The following CTNNA3 variants were observed in gnomAD, a reference collection of about 807,000 sequenced individuals.
CTNNA3 encodes catenin alpha 3.
A neutral mutation model predicts 95.7 loss-of-function variants in CTNNA3; 76 were observed. That is an observed-to-expected ratio of 0.79 (90% CI 0.66 to 0.96). CTNNA3 has a LOEUF of 0.96. CTNNA3 is among the 40% of genes least tolerant of loss of function. The pLI, the probability that CTNNA3 is intolerant of heterozygous loss-of-function variation, is 0.00. For missense variants in CTNNA3, 1,191 were observed against 1,089.8 expected, an observed-to-expected ratio of 1.09 and a Z score of -1.31; for synonymous variants, 431 against 374.4, an observed-to-expected ratio of 1.15 and a Z score of -1.74.
intron 7 of CTNNA3, among the ~76,000 whole-genome samples, chr10:66,916,062 T>C (rs1846478805): frequency 6.6e-6 from 1 of 152,122 alleles, no homozygotes; most frequent in Admixed American, 6.5e-5. Context: ...GACATATATT[T>C]TTAAATGTTG....
At chr10:66,096,405 C>T (rs566012595) in intron 14 of CTNNA3, among the ~76,000 whole-genome samples, 1 of 152,138 alleles carries the variant, frequency 6.6e-6, no homozygotes, top group South Asian at 2.1e-4. Context: ...AGAACTATCT[C>T]CAACATGCAT....
chr10:66,593,196 C>T (rs1413094538), intron 10 of CTNNA3, among the ~76,000 whole-genome samples: 1 of 152,112 alleles, frequency 6.6e-6, no homozygotes, highest in Non-Finnish European at 1.5e-5. Context: ...ATACTGAATT[C>T]ACCAATACTG....
chr10:66,252,446 AT>A (rs1315174543), intron 13 of CTNNA3, among the ~76,000 whole-genome samples: 1 of 152,206 alleles, frequency 6.6e-6, no homozygotes, highest in Non-Finnish European at 1.5e-5. Context: ...GCTGCTAATT[AT>A]TTACTATGTG....
chr10:67,356,699 T>A (rs1842822238), intron 5 of CTNNA3, among the ~76,000 whole-genome samples: 1 of 152,092 alleles, frequency 6.6e-6, no homozygotes, highest in Non-Finnish European at 1.5e-5. Context: ...TAATCAACTT[T>A]TTGCTGTATT....
chr10:67,007,468 A>G (rs1166129260), intron 7 of CTNNA3, among the ~76,000 whole-genome samples: 2 of 152,012 alleles, frequency 1.3e-5, no homozygotes, highest in Non-Finnish European at 2.9e-5. Context: ...TTCTAAAATA[A>G]GAGATAAAAT....
At chr10:67,291,136 T>C (rs966435068) in intron 5 of CTNNA3, among the ~76,000 whole-genome samples, 2 of 152,134 alleles carry the variant, frequency 1.3e-5, no homozygotes, top group Non-Finnish European at 2.9e-5. Context: ...TCCCCTTCTA[T>C]AAATGGAGAT....
chr10:66,478,120 G>T (rs540696307), intron 11 of CTNNA3, among the ~76,000 whole-genome samples: 1 of 152,074 alleles, frequency 6.6e-6, no homozygotes, highest in Non-Finnish European at 1.5e-5. Flanking sequence ...CAATGCTCCA[G>T]CATGCACTTT....
chr10:67,348,881 A>G (rs1842532907), intron 5 of CTNNA3, among the ~76,000 whole-genome samples: 1 of 152,150 alleles, frequency 6.6e-6, no homozygotes, highest in South Asian at 2.1e-4. Flanking sequence ...TCAACAGCAA[A>G]AAGACTAATA....
chr10:66,529,055 T>G (rs1225551889), intron 10 of CTNNA3, among the ~76,000 whole-genome samples: 3 of 152,156 alleles, frequency 2.0e-5, no homozygotes, highest in Non-Finnish European at 4.4e-5. Context: ...ATTCACTTTT[T>G]CTTAAGGCCC....
At chr10:66,973,043 A>G (rs1236327578) in intron 7 of CTNNA3, among the ~76,000 whole-genome samples, 1 of 152,226 alleles carries the variant, frequency 6.6e-6, no homozygotes, top group Non-Finnish European at 1.5e-5. Flanking sequence ...AAAATATGCT[A>G]TAATAGTAAT....
chr10:66,645,544 A>T (rs1845678631), intron 9 of CTNNA3, among the ~76,000 whole-genome samples: 1 of 152,100 alleles, frequency 6.6e-6, no homozygotes, highest in Non-Finnish European at 1.5e-5. Context: ...GGGGATATTT[A>T]TGGGTCCCCT....
intron 10 of CTNNA3, among the ~76,000 whole-genome samples, chr10:66,543,907 GTGTGTATATA>G (rs1181497070): frequency 0.017 from 486 of 28,840 alleles, 3 homozygotes; most frequent in African/African-American, 0.038. Flanking sequence ...AGATGTGTGT[GTGTGTATATA>G]TATATATATA....
chr10:67,592,128 C>T (rs1444534089), intron 3 of CTNNA3, among the ~76,000 whole-genome samples: 1 of 152,106 alleles, frequency 6.6e-6, no homozygotes, highest in Non-Finnish European at 1.5e-5. Flanking sequence ...CACTCAAGGA[C>T]CTATCAGCAT....
Position 66,958,947 on chromosome 10 carries a change from G to A in CTNNA3, c.1048-183423C>T, listed in dbSNP as rs77824618. ...TCATTTAACTTGTCCAAGTAGTTAC[G>A]CTTCTATTCAGACATAGGGAGAGAG... On this transcript the variant is annotated intron_variant, in intron 7 of 17. Transcript: ENST00000433211. Among the ~76,000 whole-genome samples, 860 of 152,176 alleles carry A rather than the reference G, an allele frequency of 5.7e-3. 10 individuals carry two copies. Among genetic ancestry groups the A allele is most frequent in the African/African-American group, 0.02 (812 of 41,520 alleles).
chr10:66,189,470 C>G (rs1026215325), intron 13 of CTNNA3, among the ~76,000 whole-genome samples: 3 of 151,478 alleles, frequency 2.0e-5, no homozygotes, highest in African/African-American at 7.3e-5. Context: ...CCCATTGTGT[C>G]TTCTTGGCTC....
rs949142810 is a variant in CTNNA3 at position 66,380,627 on chromosome 10, A to C, written c.1532-1275T>G. ...TATCTATCTATCTATCTATCTATCT[A>C]TATATATATATATATTAAATTAATT... On this transcript the variant is annotated intron_variant, in intron 11 of 17. Coordinates refer to ENST00000433211, the MANE Select transcript of CTNNA3 (RefSeq NM_013266.4). 1.8e-4 allele frequency among the ~76,000 whole-genome samples: 16 copies of C among 87,080 alleles called. No individual in the cohort carries two copies. In the Admixed American group the frequency reaches 2.1e-3, roughly 12 times the overall value. 57.1% of individuals were successfully genotyped at this position (87,080 alleles called of 152,430 possible).
intron 12 of CTNNA3, among the ~76,000 whole-genome samples, chr10:66,339,666 G>A (rs972611912): frequency 5.3e-5 from 8 of 151,680 alleles, no homozygotes; most frequent in African/African-American, 1.5e-4. Flanking sequence ...CTTGAGTGCC[G>A]TCTAATGTCC....
intron 7 of CTNNA3, among the ~76,000 whole-genome samples, chr10:67,035,595 C>T (rs539268700): frequency 1.3e-5 from 2 of 152,110 alleles, no homozygotes; most frequent in South Asian, 4.2e-4. Context: ...CTATCAGAAG[C>T]TTTGACAAGA....
chr10:66,664,903 A>AC (rs1846392888), intron 9 of CTNNA3, among the ~76,000 whole-genome samples: 1 of 151,972 alleles, frequency 6.6e-6, no homozygotes, highest in African/African-American at 2.4e-5. Flanking sequence ...AAAAAAAAAA[A>AC]AAAAAAACAG....
Sources: allele counts gnomAD v4.1 joint callset (sites outside exome capture counted in the v4.1 genomes callset), GRCh38; gene constraint gnomAD v4.1.1; transcripts MANE v1.5; gene names NCBI Gene and HGNC (gene_info 2026-07-23, HGNC 2026-07-21).